Variants in TENM1 observed in about 807,000 individuals in gnomAD.
The protein encoded by TENM1 is teneurin transmembrane protein 1, also known as teneurin-1.
In TENM1, 35 loss-of-function variants were observed where a neutral mutation model predicts 174.8. The ratio of observed to expected loss-of-function variants is 0.20; its 90% CI spans 0.15 to 0.27. The LOEUF is 0.27. Ranked by LOEUF, TENM1 falls within the 10% of genes least tolerant of loss-of-function variation. The pLI is 1.00. For synonymous variants in TENM1, 781 were observed against 798.7 expected (o/e 0.98, Z 0.37); for missense variants, 1,633 against 2,130.1 (o/e 0.77, Z 4.59).
chrX:124,506,308 C>G (rs2047446866), intron 18 of TENM1, among the ~76,000 whole-genome samples: 1 of 111,413 alleles, frequency 9.0e-6, no homozygotes, highest in Non-Finnish European at 1.9e-5. Flanking sequence ...CCCAACTCTG[C>G]AGCAGGAAAT....
In TENM1 at chrX:124,406,188, G is replaced by T. The variant is rs766864060; in HGVS notation, c.5155+129C>A. 1.5e-4 allele frequency: 79 copies of T among 537,562 alleles called. No individual in the cohort carries two copies. The South Asian group carries it at 3.0e-3, about 21-fold the overall frequency. 44.3% of individuals were successfully genotyped at this position (537,562 alleles called of 1,213,427 possible). A position where few individuals can be genotyped will look rare whatever the true frequency, so the allele number is the denominator to read the frequency against. On this transcript the variant is annotated intron_variant, in intron 26 of 31. Transcript: ENST00000422452. The stretch of plus-strand genomic sequence containing the variant: ...TTTTGTCTGTGTTTCAACTTCCATA[G>T]CTGGAAAACAGGAAGAGTACATCTT...
intron 3 of TENM1, among the ~76,000 whole-genome samples, chrX:124,850,633 T>C (rs2056700381): frequency 9.0e-6 from 1 of 110,994 alleles, no homozygotes; most frequent in African/African-American, 3.3e-5. Context: ...ATTTTATTTT[T>C]CCCATGGGCA....
the TENM1 span, among the ~76,000 whole-genome samples, chrX:125,026,678 T>A: frequency 8.1e-5 from 9 of 111,539 alleles, no homozygotes; most frequent in South Asian, 3.7e-4. Context: ...ATATAATACA[T>A]CCAGGCCAAG....
intron 15 of TENM1, among the ~76,000 whole-genome samples, chrX:124,545,274 A>T (rs936821707): frequency 2.7e-5 from 3 of 112,200 alleles, no homozygotes; most frequent in African/African-American, 9.7e-5. Context: ...GGAGAAGGGC[A>T]TTAACCACCA....
intron 1 of TENM1, among the ~76,000 whole-genome samples, chrX:124,925,656 A>G (rs1229003430): frequency 3.6e-5 from 4 of 112,473 alleles, no homozygotes; most frequent in African/African-American, 1.3e-4. Context: ...AAAGAAAAAA[A>G]CTCATTTAAG....
At chrX:124,461,987 A>T (rs932947821) in intron 22 of TENM1, among the ~76,000 whole-genome samples, 1 of 111,456 alleles carries the variant, frequency 9.0e-6, no homozygotes, top group Non-Finnish European at 1.9e-5. Flanking sequence ...ATAGCTCCCA[A>T]ATATATATAT....
At chrX:125,122,599 C>T in the TENM1 span, among the ~76,000 whole-genome samples, 1 of 111,430 alleles carries the variant, frequency 9.0e-6, no homozygotes, top group Admixed American at 9.6e-5. Flanking sequence ...AACTTGATAC[C>T]TACTCATTGC....
In TENM1 at chrX:124,896,044, G is replaced by A. The variant is rs767427438; in HGVS notation, c.415C>T (p.Arg139Trp). Residue 139 changes from arginine (R) to tryptophan (W), a missense_variant, in exon 2 of 32, where the codon CGG (arginine) becomes TGG (tryptophan). Transcript: ENST00000422452. ...GTCAAGGATAATGCAGAGTTGGCCCGGCTGGACAAACAGGAACTATGCTCT... is the reference window on the plus strand; with the variant it reads ...GTCAAGGATAATGCAGAGTTGGCCCAGCTGGACAAACAGGAACTATGCTCT... The A allele has an allele frequency of 1.1e-5, 13 of 1,209,521 alleles. No individual in the cohort carries two copies. The South Asian group carries it at 1.2e-4, about 11-fold the overall frequency.
the TENM1 span, among the ~76,000 whole-genome samples, chrX:125,052,131 A>T: frequency 5.3e-5 from 6 of 112,351 alleles, no homozygotes; most frequent in Non-Finnish European, 1.1e-4. Flanking sequence ...AATGCAAATC[A>T]AAACCACAAG....
At chrX:124,552,786 G>A (rs1433899632) in intron 14 of TENM1, among the ~76,000 whole-genome samples, 4 of 111,263 alleles carry the variant, frequency 3.6e-5, no homozygotes, top group African/African-American at 9.8e-5. Context: ...TTATCAGGAC[G>A]TTTGCACACA....
intron 15 of TENM1, among the ~76,000 whole-genome samples, chrX:124,532,644 T>TA (rs1198794677): frequency 1.8e-5 from 2 of 112,059 alleles, no homozygotes; most frequent in Non-Finnish European, 3.8e-5. Context: ...CACTCATAAA[T>TA]AATGCTCACA....
chrX:124,690,523 GTGTA>G (rs1453428338), intron 5 of TENM1, among the ~76,000 whole-genome samples: 12 of 103,521 alleles, frequency 1.2e-4, no homozygotes, highest in African/African-American at 4.6e-4. Flanking sequence ...GTGTGTGTGT[GTGTA>G]TACACACATA....
At chrX:124,377,205 T>C (rs1569528026) in exon 32 of TENM1, 1 of 111,229 alleles carries the variant, frequency 9.0e-6, no homozygotes, top group Non-Finnish European at 1.9e-5. Context: ...GATGAAAATG[T>C]CTCATGAAAA....
At chrX:124,415,048 T>C (rs1006499007) in intron 25 of TENM1, among the ~76,000 whole-genome samples, 1 of 112,204 alleles carries the variant, frequency 8.9e-6, no homozygotes, top group African/African-American at 3.2e-5. Context: ...TTAGCACTGC[T>C]CTGACCCTGA....
intron 4 of TENM1, among the ~76,000 whole-genome samples, chrX:124,709,018 T>C (rs2052979757): frequency 9.0e-6 from 1 of 111,530 alleles, no homozygotes; most frequent in Non-Finnish European, 1.9e-5. Flanking sequence ...GTTGATACTA[T>C]TATCCTAATC....
At chrX:124,409,137 C>T (rs1353425372) in intron 25 of TENM1, among the ~76,000 whole-genome samples, 3 of 109,920 alleles carry the variant, frequency 2.7e-5, no homozygotes, top group African/African-American at 1.0e-4. Context: ...CATACGTGTG[C>T]ATGTGTCTTT....
At chrX:125,094,047 T>C in the TENM1 span, among the ~76,000 whole-genome samples, 2 of 112,355 alleles carry the variant, frequency 1.8e-5, no homozygotes, top group African/African-American at 6.5e-5. Context: ...GCTGAACAAC[T>C]ATAAAGGGCC....
At chrX:124,675,357 A>C (rs1270761640) in intron 5 of TENM1, among the ~76,000 whole-genome samples, 1 of 110,967 alleles carries the variant, frequency 9.0e-6, no homozygotes, top group Non-Finnish European at 1.9e-5. Flanking sequence ...ACACTGGCTG[A>C]ATGTCAGCTT....
intron 11 of TENM1, among the ~76,000 whole-genome samples, chrX:124,633,871 G>C (rs889730806): frequency 6.3e-5 from 7 of 111,141 alleles, no homozygotes; most frequent in Middle Eastern, 4.7e-3. Flanking sequence ...ATTGTCTTAA[G>C]GATGCTTTTG....
Sources: gnomAD v4.1 joint callset for allele counts (sites outside exome capture counted in the v4.1 genomes callset) on GRCh38, gnomAD v4.1.1 for gene constraint, MANE v1.5 for transcripts, NCBI Gene and HGNC (gene_info 2026-07-23, HGNC 2026-07-21) for gene names.